Variants in CDH13 observed in about 807,000 individuals in gnomAD.
The protein encoded by CDH13 is cadherin-13.
Under a neutral mutation model 63.8 loss-of-function variants are expected in CDH13, and 24 were observed. The observed-to-expected ratio is 0.38, with a 90% CI of 0.27 to 0.53. The LOEUF is 0.53. Among genes scored for constraint, CDH13 ranks in the 20% least tolerant of loss-of-function variants. The pLI, the probability that CDH13 is intolerant of heterozygous loss-of-function variation, is 0.85. For missense variants in CDH13, 1,049 were observed against 903.1 expected (o/e 1.16, Z -2.07); for synonymous variants, 503 against 355.3 (o/e 1.42, Z -4.67).
At position 82,627,072 on chromosome 16, in the gene CDH13, G is replaced by C. The variant is rs753362026; in HGVS notation, c.-21G>C. The C allele has an allele frequency of 1.3e-6, 2 of 1,590,288 alleles. No individual in the cohort carries two copies. Among genetic ancestry groups the C allele is most frequent in the Middle Eastern group, 1.7e-4 (1 of 6,012 alleles). ...CGCGTGCATGAATGAAAACGCCGCC[G>C]GGCGCTTCTAGTCGGACAAAATGCA... On this transcript the variant is annotated 5_prime_UTR_variant, in exon 1 of 14. Transcript: ENST00000567109.
Position 83,035,839 on chromosome 16 carries a change from G to T in CDH13, c.366+3621G>T, listed in dbSNP as rs1297523138. 2.6e-5 allele frequency among the ~76,000 whole-genome samples: 4 copies of T among 152,248 alleles called. No individual in the cohort carries two copies. The East Asian group carries it at 7.7e-4, about 29-fold the overall frequency. On this transcript the variant is annotated intron_variant, in intron 3 of 13. Transcript: ENST00000567109. ...ATAGACTTGTTTGGATCTTCCTGTG[G>T]ATTCAATGAGACGATACATGTAGCA...
At chr16:83,621,601 C>T (rs1302150823) in intron 8 of CDH13, among the ~76,000 whole-genome samples, 2 of 148,116 alleles carry the variant, frequency 1.4e-5, no homozygotes, top group African/African-American at 5.0e-5. Context: ...ATTCTCCTGC[C>T]TCAGCCTCCT....
chr16:83,701,095 T>G (rs1906151628), intron 10 of CDH13, among the ~76,000 whole-genome samples: 1 of 152,146 alleles, frequency 6.6e-6, no homozygotes, highest in East Asian at 1.9e-4. Context: ...GTGTGAGTGC[T>G]CCAGCAGTGA....
intron 8 of CDH13, among the ~76,000 whole-genome samples, chr16:83,624,494 C>T (rs564499250): frequency 6.6e-6 from 1 of 152,110 alleles, no homozygotes. Flanking sequence ...GTTAGATTCT[C>T]TTAAGAAACG....
chr16:83,379,223 A>T (rs778597667), intron 6 of CDH13, among the ~76,000 whole-genome samples: 1 of 152,180 alleles, frequency 6.6e-6, no homozygotes, highest in African/African-American at 2.4e-5. Flanking sequence ...TAACAACTGT[A>T]TATGGTTTAG....
chr16:83,095,103 TG>T (rs1448349433), intron 3 of CDH13, among the ~76,000 whole-genome samples: 1 of 152,238 alleles, frequency 6.6e-6, no homozygotes, highest in Non-Finnish European at 1.5e-5. Context: ...AGAAGATTTC[TG>T]AACAGAAATA....
At chr16:82,717,766 T>C (rs2032485337) in intron 1 of CDH13, among the ~76,000 whole-genome samples, 1 of 152,230 alleles carries the variant, frequency 6.6e-6, no homozygotes, top group Non-Finnish European at 1.5e-5. Flanking sequence ...ATCTGCAATG[T>C]CTTTACCACA....
At chr16:83,034,706 G>A (rs868389561) in intron 3 of CDH13, among the ~76,000 whole-genome samples, 1 of 152,140 alleles carries the variant, frequency 6.6e-6, no homozygotes, top group Non-Finnish European at 1.5e-5. Flanking sequence ...TACTGTCATC[G>A]TATTTTGCTT....
At chr16:82,679,640 G>A (rs555894363) in intron 1 of CDH13, among the ~76,000 whole-genome samples, 2 of 152,178 alleles carry the variant, frequency 1.3e-5, no homozygotes, top group Non-Finnish European at 2.9e-5. Context: ...TTGCTTCCCA[G>A]TGGAACCTGA....
At chr16:83,593,505 T>G (rs893838344) in intron 7 of CDH13, among the ~76,000 whole-genome samples, 2 of 151,972 alleles carry the variant, frequency 1.3e-5, no homozygotes, top group Admixed American at 6.6e-5. Context: ...ACAGTACAAA[T>G]CAGGAGAATC....
Position 83,570,964 on chromosome 16 carries a change from TATATATAA to T in CDH13, c.961-31488_961-31481del, listed in dbSNP as rs1401551895. Among the ~76,000 whole-genome samples, 31 of 134,070 alleles carry T rather than the reference TATATATAA, an allele frequency of 2.3e-4. No individual in the cohort carries two copies. The East Asian group carries it at 2.6e-3, about 11-fold the overall frequency. 88.0% of individuals were successfully genotyped at this position (134,070 alleles called of 152,430 possible). ...ACTCATCCATATATATATATATATA[TATATATAA>T]AAACCTTCTGGCGCCACCCAAGGGC... is the stretch of plus-strand genomic sequence containing the variant. On this transcript the variant is annotated intron_variant, in intron 7 of 13. Transcript: ENST00000567109.
chr16:82,810,059 A>G (rs533620124), intron 1 of CDH13, among the ~76,000 whole-genome samples: 62 of 152,336 alleles, frequency 4.1e-4, no homozygotes, highest in Non-Finnish European at 7.2e-4. Context: ...CATGTTTGCC[A>G]ACAGTGATTA....
chr16:83,046,180 C>T (rs868863482), intron 3 of CDH13, among the ~76,000 whole-genome samples: 1 of 152,154 alleles, frequency 6.6e-6, no homozygotes, highest in Non-Finnish European at 1.5e-5. Context: ...CTGGTCCATA[C>T]CCCTTAGAAG....
intron 1 of CDH13, among the ~76,000 whole-genome samples, chr16:82,838,930 A>C (rs947140730): frequency 1.4e-4 from 22 of 152,120 alleles, no homozygotes; most frequent in African/African-American, 5.1e-4. Flanking sequence ...CAGATAATAA[A>C]TTTTCAGACA....
chr16:83,282,028 T>C (rs1385783373), intron 5 of CDH13, among the ~76,000 whole-genome samples: 3 of 152,180 alleles, frequency 2.0e-5, no homozygotes, highest in Non-Finnish European at 2.9e-5. Context: ...ATTGTAGTGG[T>C]ATTCATTGGC....
chr16:82,959,157 C>G (rs1906577559), intron 2 of CDH13, among the ~76,000 whole-genome samples: 1 of 152,198 alleles, frequency 6.6e-6, no homozygotes, highest in African/African-American at 2.4e-5. Flanking sequence ...TAAATTTCCC[C>G]TTTTATTTGG....
chr16:82,850,175 G>A (rs1044870950), intron 1 of CDH13, among the ~76,000 whole-genome samples: 6 of 152,118 alleles, frequency 3.9e-5, no homozygotes, highest in African/African-American at 1.2e-4. Flanking sequence ...TCAAAAACCT[G>A]CTGAAAAGGA....
chr16:82,851,494 A>G (rs1273263986), intron 1 of CDH13, among the ~76,000 whole-genome samples: 1 of 152,110 alleles, frequency 6.6e-6, no homozygotes, highest in Non-Finnish European at 1.5e-5. Context: ...GACCGACGAA[A>G]CTAAAAGCAG....
chr16:82,676,486 C>CTTTTTT (rs11330492), intron 1 of CDH13, among the ~76,000 whole-genome samples: 55 of 96,320 alleles, frequency 5.7e-4, no homozygotes, highest in East Asian at 2.0e-3. Flanking sequence ...ACCATCATTT[C>CTTTTTT]TTTTTTTTTT....
Sources: allele counts gnomAD v4.1 joint callset (sites outside exome capture counted in the v4.1 genomes callset), GRCh38; gene constraint gnomAD v4.1.1; transcripts MANE v1.5; gene names NCBI Gene and HGNC (gene_info 2026-07-23, HGNC 2026-07-21).